The following SIPA1L1 variants were observed in gnomAD, a reference collection of about 807,000 sequenced individuals.
SIPA1L1 encodes signal induced proliferation associated 1 like 1, also known as signal-induced proliferation-associated 1-like protein 1.
In SIPA1L1, 26 loss-of-function variants were observed where a neutral mutation model predicts 162.7. The observed-to-expected ratio is 0.16, with a 90% CI of 0.12 to 0.22. The LOEUF is 0.22. Ranked by LOEUF, SIPA1L1 falls within the 10% of genes least tolerant of loss-of-function variation. SIPA1L1 has a pLI of 1.00. For missense variants in SIPA1L1, 1,874 were observed against 2,241.0 expected (o/e 0.84, Z 3.31); for synonymous variants, 829 against 837.4 (o/e 0.99, Z 0.17).
At chr14:71,517,795 T>C (rs1052218959) in intron 3 of SIPA1L1, among the ~76,000 whole-genome samples, 2 of 152,202 alleles carry the variant, frequency 1.3e-5, no homozygotes, top group African/African-American at 2.4e-5. Flanking sequence ...TTTTTTGTAT[T>C]GAAGGACTTT....
In SIPA1L1 at chr14:71,650,520, C is replaced by T. The variant is rs1053584838; in HGVS notation, c.1993+11C>T. On this transcript the variant is annotated intron_variant, in intron 8 of 23. Coordinates refer to ENST00000381232, the MANE Select transcript of SIPA1L1 (RefSeq NM_001386936.1). ...AGCTTGATACCAAAAGTAAGAAATA[C>T]TTACACCCTCCTACTAGGCTTATTT... The T allele has an allele frequency of 6.2e-7, 1 of 1,612,792 alleles. No homozygotes were observed. The highest frequency in any genetic ancestry group is 1.7e-5 in the Admixed American group (1 of 60,012).
chr14:71,679,786 G>A (rs2045607535), intron 12 of SIPA1L1, among the ~76,000 whole-genome samples: 1 of 152,136 alleles, frequency 6.6e-6, no homozygotes, highest in Non-Finnish European at 1.5e-5. Context: ...TGCAATCCTA[G>A]TCTCTGATAA....
chr14:71,321,786 A>G (rs1293031130), intron 2 of SIPA1L1: 1 of 152,118 alleles, frequency 6.6e-6, no homozygotes, highest in Admixed American at 6.5e-5. Context: ...CCTGACCTTA[A>G]AGGAAATTTC....
At chr14:71,429,080 C>G (rs989116548) in intron 2 of SIPA1L1, among the ~76,000 whole-genome samples, 1 of 152,122 alleles carries the variant, frequency 6.6e-6, no homozygotes, top group Non-Finnish European at 1.5e-5. Context: ...GAACCTGCTC[C>G]TCAATTTCAT....
chr14:71,354,205 T>C (rs951020617), intron 2 of SIPA1L1, among the ~76,000 whole-genome samples: 2 of 152,032 alleles, frequency 1.3e-5, no homozygotes, highest in African/African-American at 4.8e-5. Flanking sequence ...AGATTGCGAT[T>C]AGAGTCTAAA....
chr14:71,322,328 G>GAAACGTGCA (rs1419698281), intron 2 of SIPA1L1, among the ~76,000 whole-genome samples: 1 of 152,170 alleles, frequency 6.6e-6, no homozygotes, highest in Non-Finnish European at 1.5e-5. Flanking sequence ...GAATCTTTTG[G>GAAACGTGCA]AAACGTGCAA....
At chr14:71,482,624 G>A (rs1158825025) in intron 2 of SIPA1L1, among the ~76,000 whole-genome samples, 2 of 152,140 alleles carry the variant, frequency 1.3e-5, no homozygotes, top group Admixed American at 1.3e-4. Context: ...GACTTAGACA[G>A]GATTAGAGAG....
intron 21 of SIPA1L1, 60 bp downstream of exon 21, chr14:71,733,872 C>T: frequency 6.5e-7 from 1 of 1,545,934 alleles, no homozygotes; most frequent in South Asian, 1.2e-5. Context: ...GAGCAGTCTC[C>T]ATCCACTCTA....
chr14:71,552,161 A>G (rs2055900495), intron 4 of SIPA1L1, among the ~76,000 whole-genome samples: 1 of 152,158 alleles, frequency 6.6e-6, no homozygotes, highest in African/African-American at 2.4e-5. Context: ...AGAAAATATT[A>G]TTAATTGTAG....
intron 2 of SIPA1L1, among the ~76,000 whole-genome samples, chr14:71,362,074 G>A (rs960928147): frequency 2.6e-4 from 40 of 152,292 alleles, no homozygotes; most frequent in African/African-American, 8.9e-4. Flanking sequence ...TTGGCGGCCC[G>A]TCATGGCAAA....
At chr14:71,376,478 C>CTGGATTTTTTAG (rs2039381384) in intron 2 of SIPA1L1, among the ~76,000 whole-genome samples, 1 of 151,030 alleles carries the variant, frequency 6.6e-6, no homozygotes, top group Non-Finnish European at 1.5e-5. Flanking sequence ...TTAAGCTACT[C>CTGGATTTTTTAG]TTGAAAAACT....
rs557076950 is a variant in SIPA1L1 at position 71,445,125 on chromosome 14, C to T, written c.-464-67618C>T. The stretch of plus-strand genomic sequence containing the variant: ...TAGTTAGTGGAAGACAACATGCAAT[C>T]TAATTGCTTCATTGACAGTTTCTAC... On this transcript the variant is annotated intron_variant, in intron 2 of 23. Coordinates refer to ENST00000381232, the MANE Select transcript of SIPA1L1 (RefSeq NM_001386936.1). Among the ~76,000 whole-genome samples the T allele has an allele frequency of 7.9e-5, 12 of 152,312 alleles. No homozygotes were observed. The South Asian group carries it at 8.3e-4, about 11-fold the overall frequency.
intron 16 of SIPA1L1, among the ~76,000 whole-genome samples, chr14:71,708,015 G>GTTTT (rs34838057): frequency 1.4e-4 from 14 of 100,288 alleles, no homozygotes; most frequent in South Asian, 3.0e-4. Context: ...GTTTTTTGGT[G>GTTTT]TTTTTTTTTT....
intron 3 of SIPA1L1, among the ~76,000 whole-genome samples, chr14:71,520,945 G>A (rs2052284505): frequency 6.6e-6 from 1 of 152,018 alleles, no homozygotes; most frequent in South Asian, 2.1e-4. Flanking sequence ...GTACGGATGG[G>A]GTTTCGCCAT....
intron 2 of SIPA1L1, among the ~76,000 whole-genome samples, chr14:71,456,127 G>T (rs534020365): frequency 4.3e-4 from 65 of 152,292 alleles, no homozygotes; most frequent in Non-Finnish European, 7.9e-4. Context: ...ACAGAACCCT[G>T]GTGTTGAGAT....
intron 2 of SIPA1L1, among the ~76,000 whole-genome samples, chr14:71,435,675 C>T (rs1444801282): frequency 6.6e-6 from 1 of 152,174 alleles, no homozygotes; most frequent in African/African-American, 2.4e-5. Flanking sequence ...ATTTATAGTC[C>T]TTTGGGTATA....
chr14:71,478,627 C>A (rs1160725817), intron 2 of SIPA1L1, among the ~76,000 whole-genome samples: 1 of 152,170 alleles, frequency 6.6e-6, no homozygotes, highest in Non-Finnish European at 1.5e-5. Context: ...CATTGAATTG[C>A]CATTGTACCT....
intron 2 of SIPA1L1, among the ~76,000 whole-genome samples, chr14:71,442,592 A>G (rs2044990465): frequency 6.6e-6 from 1 of 151,966 alleles, no homozygotes; most frequent in African/African-American, 2.4e-5. Flanking sequence ...TTTTTCTGAT[A>G]GGGCAAAATA....
rs1291728353 is a variant in SIPA1L1 at position 71,501,396 on chromosome 14, T to C, written c.-464-11347T>C. 2.0e-5 allele frequency among the ~76,000 whole-genome samples: 3 copies of C among 152,168 alleles called. No homozygotes were observed. The South Asian group carries it at 6.2e-4, about 32-fold the overall frequency. ...GGTGAAATCCTCTGTAGTATTTTGCTTTCCATAGCAACAAAGATGAAGTTC... is the reference window on the plus strand; with the variant it reads ...GGTGAAATCCTCTGTAGTATTTTGCCTTCCATAGCAACAAAGATGAAGTTC... On this transcript the variant is annotated intron_variant, in intron 2 of 23. Transcript: ENST00000381232.
Sources: gnomAD v4.1 joint callset for allele counts (sites outside exome capture counted in the v4.1 genomes callset) on GRCh38, gnomAD v4.1.1 for gene constraint, MANE v1.5 for transcripts, NCBI Gene and HGNC (gene_info 2026-07-23, HGNC 2026-07-21) for gene names.